PCDHGC5: variants seen among roughly 807,000 people sequenced by gnomAD.
PCDHGC5 encodes protocadherin gamma-C5.
A neutral mutation model predicts 59.0 loss-of-function variants in PCDHGC5; 25 were observed. The observed-to-expected ratio is 0.42, with a 90% confidence interval of 0.31 to 0.59. PCDHGC5 has a LOEUF of 0.59. PCDHGC5 is among the 20% of genes least tolerant of loss of function. The pLI is 0.13. For missense variants in PCDHGC5, 1,067 were observed against 1,206.4 expected (o/e 0.88, Z 1.71); for synonymous variants, 434 against 505.5 (o/e 0.86, Z 1.90).
rs1036223789 is a variant in PCDHGC5, at chr5:141,511,298, G to C, written c.*125G>C. 49 of 1,502,412 alleles carry C rather than the reference G, an allele frequency of 3.3e-5. No homozygotes were observed. The African/African-American group carries it at 6.7e-4, about 20-fold the overall frequency. 93.1% of individuals were successfully genotyped at this position (1,502,412 alleles called of 1,614,324 possible). A position where few individuals can be genotyped will look rare whatever the true frequency, so the allele number is the denominator to read the frequency against. The stretch of plus-strand genomic sequence containing the variant: ...GAATACTGGTAGGGGCCAAGGCCAT[G>C]CTCCCCTTGGGAAACAGAAACAAGT... On this transcript the variant is annotated 3_prime_UTR_variant, in exon 4 of 4. Coordinates refer to ENST00000252087, the MANE Select transcript of PCDHGC5 (RefSeq NM_018929.3).
At chr5:141,506,252 C>T (rs1158047426) in intron 3 of PCDHGC5, among the ~76,000 whole-genome samples, 1 of 151,968 alleles carries the variant, frequency 6.6e-6, no homozygotes, top group African/African-American at 2.4e-5. Flanking sequence ...AGTTCGAAAC[C>T]GGCCTGGCCA....
At chr5:141,495,104 G>C (rs552664771) in intron 2 of PCDHGC5, among the ~76,000 whole-genome samples, 16 of 152,194 alleles carry the variant, frequency 1.1e-4, no homozygotes, top group Admixed American at 8.5e-4. Flanking sequence ...CGCCACGACC[G>C]GCACCTTTTC....
chr5:141,494,926 G>T, intron 2 of PCDHGC5, 61 bp downstream of exon 2: 1 of 1,613,498 alleles, frequency 6.2e-7, no homozygotes, highest in Non-Finnish European at 8.5e-7. Flanking sequence ...GGATGACGTG[G>T]GAGGAGATGG....
In PCDHGC5 at chr5:141,511,131, C is replaced by T; in HGVS notation, c.2793C>T (p.Gly931=). ...GGGATGGCAAGGCCCCAGCAGGTGG[C>T]AATGGCAACAAGAAGAAGTCGGGCA... is the stretch of plus-strand genomic sequence containing the variant. ...GKRDGKAPAG[G]NGNKKKSGKK... is the part of the protein sequence containing the mutation. The change falls in exon 4 of 4, where the codon GGC becomes GGT. Residue 931 remains glycine (G), a synonymous_variant. Coordinates refer to ENST00000252087, the MANE Select transcript of PCDHGC5 (RefSeq NM_018929.3). 2 of 1,614,202 alleles carry T rather than the reference C, an allele frequency of 1.2e-6. No homozygotes were observed. Among genetic ancestry groups the T allele is most frequent in the Non-Finnish European group, 1.7e-6 (2 of 1,180,020 alleles).
intron 2 of PCDHGC5, among the ~76,000 whole-genome samples, chr5:141,497,213 G>A (rs1313220474): frequency 6.6e-6 from 1 of 152,126 alleles, no homozygotes; most frequent in Non-Finnish European, 1.5e-5. Flanking sequence ...GTGTAATGGG[G>A]GGGGGAAGAT....
chr5:141,492,548 C>T (rs1028674110), intron 1 of PCDHGC5, among the ~76,000 whole-genome samples: 5 of 152,218 alleles, frequency 3.3e-5, no homozygotes, highest in African/African-American at 9.6e-5. Flanking sequence ...TGGGCCGGGT[C>T]GCCTGGGGGG....
chr5:141,504,228 C>T lies in PCDHGC5; in HGVS notation c.2520-1165C>T, dbSNP rs114896014. Among the ~76,000 whole-genome samples, 193 of 152,312 alleles carry T rather than the reference C, an allele frequency of 1.3e-3. 1 individual carries two copies. The highest frequency in any genetic ancestry group is 2.1e-3 in the Admixed American group (32 of 15,304). ...AAAATTCCAAGTAGAGCTGAACCTT[C>T]TAAGAAGCAGAGAGTTCTTCTTATG... On this transcript the variant is annotated intron_variant, in intron 2 of 3. Coordinates refer to ENST00000252087, the MANE Select transcript of PCDHGC5 (RefSeq NM_018929.3).
At chr5:141,501,198 G>C (rs2299024) in intron 2 of PCDHGC5, among the ~76,000 whole-genome samples, 89,086 of 151,686 alleles carry the variant, frequency 0.59, 27,759 homozygotes, top group African/African-American at 0.8. Context: ...TAAATTCAGG[G>C]TGTTGTCAGG....
intron 1 of PCDHGC5, among the ~76,000 whole-genome samples, chr5:141,492,586 G>C (rs1451055991): frequency 6.6e-6 from 1 of 152,220 alleles, no homozygotes; most frequent in Admixed American, 6.5e-5. Context: ...GGGGCCAGGA[G>C]CGCTGGAGCG....
At position 141,491,052 on chromosome 5, in the gene PCDHGC5, G is replaced by A. The variant is rs2099707642; in HGVS notation, c.1812G>A (p.Trp604Ter). ...ATGCTGATGCAGGCCACAATGCGTG[G>A]CTCTCCTACTCACTGTTGCCACAGT... ...AVDADAGHNAWLSYSLLPQST... is the reference protein window; with the variant it reads ...AVDADAGHNA Residue 604 changes from tryptophan to a stop codon, truncating the protein, a stop_gained, in exon 1 of 4, where the codon TGG becomes TGA. Transcript: ENST00000252087. LOFTEE classifies it high-confidence loss of function. The surrounding 1 kb of genome is among the most constrained non-coding windows in gnomAD (Gnocchi z 6.9). 3.1e-6 allele frequency: 5 copies of A among 1,614,038 alleles called. No individual in the cohort carries two copies. The highest frequency in any genetic ancestry group is 4.2e-6 in the Non-Finnish European group (5 of 1,180,032).
intron 2 of PCDHGC5, among the ~76,000 whole-genome samples, chr5:141,501,324 CA>C (rs1311475307): frequency 7.2e-5 from 11 of 151,778 alleles, no homozygotes; most frequent in African/African-American, 1.9e-4. Flanking sequence ...CACACACACA[CA>C]CACACACACC....
intron 2 of PCDHGC5, among the ~76,000 whole-genome samples, chr5:141,498,543 C>T (rs2099784198): frequency 6.6e-6 from 1 of 151,870 alleles, no homozygotes; most frequent in South Asian, 2.1e-4. Flanking sequence ...CTGGTCTGGT[C>T]AGACACACCA....
rs1407225048 is a variant in PCDHGC5 at position 141,489,600 on chromosome 5, G to T, written c.360G>T (p.Glu120Asp). Residue 120 changes from glutamate to aspartate, a missense_variant, in exon 1 of 4, where the codon GAG becomes GAT. Physicochemically the swap from Glu to Asp is conservative, Grantham distance 45 (BLOSUM62 2). Coordinates refer to ENST00000252087, the MANE Select transcript of PCDHGC5 (RefSeq NM_018929.3). The surrounding 1 kb of genome is among the most constrained non-coding windows in gnomAD (Gnocchi z 4.5). Reference protein sequence around the residue: ...TEHPLELIRVEVEILDLNDNS... With the variant: ...TEHPLELIRVDVEILDLNDNS... ...ACCCCCTGGAGCTAATCCGTGTAGA[G>T]GTAGAGATCCTGGATCTCAATGACA... The T allele has an allele frequency of 7.4e-6, 12 of 1,613,916 alleles. 1 individual carries two copies. In the South Asian group the frequency reaches 1.2e-4, roughly 16 times the overall value.
chr5:141,505,155 C>T (rs2099844224), intron 2 of PCDHGC5, among the ~76,000 whole-genome samples: 1 of 152,162 alleles, frequency 6.6e-6, no homozygotes, highest in Non-Finnish European at 1.5e-5. Context: ...GAGTAAGACC[C>T]TGTCTAAAAC....
At position 141,511,345 on chromosome 5, in the gene PCDHGC5, T is replaced by C; in HGVS notation, c.*172T>C. ...AAGTGCCCAGTCAGCACCTACCCCT[T>C]CCCCCCCAGGGGGTTGAATATGCAA... On this transcript the variant is annotated 3_prime_UTR_variant, in exon 4 of 4. Transcript: ENST00000252087. The C allele has an allele frequency of 1.4e-6, 2 of 1,410,502 alleles. No homozygotes were observed. The highest frequency in any genetic ancestry group is 9.4e-7 in the Non-Finnish European group (1 of 1,060,676). 87.4% of individuals were successfully genotyped at this position (1,410,502 alleles called of 1,614,324 possible).
chr5:141,501,300 C>T (rs867143352), intron 2 of PCDHGC5, among the ~76,000 whole-genome samples: 2,626 of 150,646 alleles, frequency 0.017, 74 homozygotes, highest in African/African-American at 0.06. Context: ...TACACACACA[C>T]ACACACACAC....
intron 3 of PCDHGC5, among the ~76,000 whole-genome samples, chr5:141,508,658 A>G (rs1420910010): frequency 2.0e-5 from 3 of 152,086 alleles, no homozygotes; most frequent in African/African-American, 4.8e-5. Flanking sequence ...CCTTCCTGTC[A>G]TTCTGTCTCT....
chr5:141,510,015 A>G (rs2099879210), intron 3 of PCDHGC5, among the ~76,000 whole-genome samples: 1 of 152,210 alleles, frequency 6.6e-6, no homozygotes, highest in Non-Finnish European at 1.5e-5. Flanking sequence ...GTCATACCAC[A>G]TAGCTGGCTG....
In PCDHGC5 at chr5:141,489,375, G is replaced by A. The variant is rs768190252; in HGVS notation, c.135G>A (p.Val45=). The A allele has an allele frequency of 1.2e-5, 19 of 1,613,826 alleles. No individual in the cohort carries two copies. The Admixed American group carries it at 3.2e-4, about 27-fold the overall frequency. ...VVEESEPGTL[V]GNVAQDLGLK... is the part of the protein sequence containing the mutation. ...AGGAGTCTGAGCCGGGGACGCTGGT[G>A]GGGAATGTTGCTCAGGATCTGGGCT... Residue 45 remains valine, a synonymous_variant, in exon 1 of 4, where the codon GTG becomes GTA. Transcript: ENST00000252087. The surrounding 1 kb of genome is among the most constrained non-coding windows in gnomAD (Gnocchi z 4.5).
Sources: gnomAD v4.1 joint callset for allele counts (sites outside exome capture counted in the v4.1 genomes callset) on GRCh38, gnomAD v4.1.1 for gene constraint, Gnocchi (gnomAD v3.1) non-coding constraint, MANE v1.5 for transcripts, NCBI Gene and HGNC (gene_info 2026-07-23, HGNC 2026-07-21) for gene names.